The following SLC6A13 variants were observed in gnomAD, a reference collection of about 807,000 sequenced individuals.
The protein encoded by SLC6A13 is sodium- and chloride-dependent GABA transporter 2.
In SLC6A13, 69 loss-of-function variants were observed where a neutral mutation model predicts 72.9. That is an observed-to-expected ratio of 0.95 (90% CI 0.78 to 1.16). The LOEUF (loss-of-function observed/expected upper bound fraction) is 1.16, where lower values mean the gene tolerates loss of function less well. Among genes scored for constraint, SLC6A13 ranks in the 50% most tolerant of loss-of-function variants. SLC6A13 has a pLI of 0.00. For missense variants in SLC6A13, 735 were observed against 760.5 expected (o/e 0.97, Z 0.39); for synonymous variants, 303 against 303.0 (o/e 1.00, Z 0.00).
chr12:232,693 G>A (rs1044470142), intron 7 of SLC6A13, among the ~76,000 whole-genome samples: 1 of 152,204 alleles, frequency 6.6e-6, no homozygotes, highest in African/African-American at 2.4e-5. Flanking sequence ...TCTCCATGCT[G>A]TCTGAGAAAT....
intron 1 of SLC6A13, among the ~76,000 whole-genome samples, chr12:262,268 G>C (rs1352170818): frequency 2.0e-5 from 3 of 152,164 alleles, no homozygotes; most frequent in African/African-American, 7.2e-5. Context: ...GTCAGATGAG[G>C]CCAGGTTCAA....
At chr12:242,813 C>T (rs1172620216) in intron 3 of SLC6A13, 59 bp from the exon 4 acceptor site, 1 of 1,519,998 alleles carries the variant, frequency 6.6e-7, no homozygotes, top group South Asian at 1.2e-5. Flanking sequence ...GTGCACCTGT[C>T]ATTTCAGCTA....
chr12:238,210 A>T (rs1466007352), intron 4 of SLC6A13, 200 bp from the exon 5 acceptor site: 13 of 1,526,176 alleles, frequency 8.5e-6, no homozygotes, highest in Non-Finnish European at 9.6e-6. Flanking sequence ...ACACTTGGAC[A>T]TGTGGGTACA....
At chr12:251,322 T>A (rs1942539725) in intron 2 of SLC6A13, among the ~76,000 whole-genome samples, 1 of 152,092 alleles carries the variant, frequency 6.6e-6, no homozygotes. Flanking sequence ...CCCACATATA[T>A]ACAAATAACT....
chr12:238,163 G>A lies in SLC6A13; in HGVS notation c.479-153C>T, dbSNP rs148375127. On this transcript the variant is annotated intron_variant, in intron 4 of 14. Transcript: ENST00000343164. Reference sequence around the variant, plus strand: ...ATCTGTACAAAACATCCTCCCACACGTAATAACCTCAACAAATGCAGCTCA... The same window carrying A: ...ATCTGTACAAAACATCCTCCCACACATAATAACCTCAACAAATGCAGCTCA... 612 of 1,536,636 alleles carry A rather than the reference G, an allele frequency of 4.0e-4. 3 individuals carry two copies. In the African/African-American group the frequency reaches 7.6e-3, roughly 19 times the overall value.
chr12:255,262 G>A (rs1942700357), intron 2 of SLC6A13, among the ~76,000 whole-genome samples: 1 of 152,200 alleles, frequency 6.6e-6, no homozygotes, highest in African/African-American at 2.4e-5. Flanking sequence ...GGACCTGGGT[G>A]TTTGGGTAGA....
At chr12:256,653 AAAG>A (rs1031975957) in intron 2 of SLC6A13, 3 of 152,248 alleles carry the variant, frequency 2.0e-5, no homozygotes, top group Admixed American at 6.5e-5. Context: ...GGAAGAAACC[AAAG>A]AAGATGTCAC....
chr12:222,665 A>G lies in SLC6A13; in HGVS notation c.1415-33T>C, dbSNP rs766511495. ...GGAGAAAAGAAGAAGGAAGGAGGAG[A>G]AAGTCATTCTTTGGCACCCAGGACA... On this transcript the variant is annotated intron_variant, in intron 12 of 14. Transcript: ENST00000343164. 2.8e-6 allele frequency: 4 copies of G among 1,444,436 alleles called. No homozygotes were observed. The South Asian group carries it at 4.8e-5, about 17-fold the overall frequency. The allele number at this position is 1,444,436 out of a possible 1,614,324, so 89.5% of individuals were successfully genotyped here. A position where few individuals can be genotyped will look rare whatever the true frequency, so the allele number is the denominator to read the frequency against.
Position 259,882 on chromosome 12 carries a change from C to T in SLC6A13, c.171G>A (p.Arg57=). 6.2e-7 allele frequency: 1 copy of T among 1,614,188 alleles called. No homozygotes were observed. Among genetic ancestry groups the T allele is most frequent in the South Asian group, 1.1e-5 (1 of 91,088 alleles). Residue 57 remains arginine (R), a synonymous_variant, in exon 2 of 15, where the codon AGG becomes AGA. Transcript: ENST00000343164. ...GEIIGLGNVW[R]FPYLCYKNGG... ...CATTTTTGTAGCAGAGATAGGGAAA[C>T]CTCCAGACGTTGCCTAAGCCAATGA... is the stretch of plus-strand genomic sequence containing the variant.
intron 2 of SLC6A13, 158 bp downstream of exon 2, chr12:259,691 GTC>G (rs1433590064): frequency 6.6e-7 from 1 of 1,510,892 alleles, no homozygotes. Context: ...ACCTTTCTAG[GTC>G]TTAGTCTCTT....
At chr12:261,692 G>A (rs539679462) in intron 1 of SLC6A13, among the ~76,000 whole-genome samples, 61 of 152,318 alleles carry the variant, frequency 4.0e-4, no homozygotes, top group African/African-American at 1.4e-3. Context: ...TTGGGAGGCC[G>A]AGGCGGGTGG....
intron 4 of SLC6A13, among the ~76,000 whole-genome samples, chr12:239,997 A>T (rs1942107150): frequency 6.6e-6 from 1 of 152,130 alleles, no homozygotes; most frequent in African/African-American, 2.4e-5. Context: ...AGGCAATCCA[A>T]AGGAAGGTGG....
intron 7 of SLC6A13, among the ~76,000 whole-genome samples, chr12:231,021 G>A (rs1023300002): frequency 6.6e-6 from 1 of 152,186 alleles, no homozygotes; most frequent in Non-Finnish European, 1.5e-5. Flanking sequence ...CTTGCTTAAC[G>A]CAGGGATCTA....
At chr12:247,023 GAAA>G (rs1942379826) in intron 2 of SLC6A13, among the ~76,000 whole-genome samples, 1 of 14,280 alleles carries the variant, frequency 7.0e-5, no homozygotes, top group Non-Finnish European at 3.3e-4. Flanking sequence ...AAAAAAAAAA[GAAA>G]GAAAGAAAAG....
At chr12:223,841 C>T (rs758103815) in intron 11 of SLC6A13, 151 bp downstream of exon 11, 42 of 833,136 alleles carry the variant, frequency 5.0e-5, no homozygotes, top group South Asian at 4.9e-4. Context: ...CCTACTTTGT[C>T]GTTCCTGGGA....
intron 2 of SLC6A13, among the ~76,000 whole-genome samples, chr12:252,308 A>G (rs915581808): frequency 6.6e-6 from 1 of 152,214 alleles, no homozygotes; most frequent in Non-Finnish European, 1.5e-5. Flanking sequence ...CATTTAGCAT[A>G]ATTATTGATT....
At chr12:245,107 A>G (rs559101122) in intron 2 of SLC6A13, among the ~76,000 whole-genome samples, 1 of 152,350 alleles carries the variant, frequency 6.6e-6, no homozygotes, top group Non-Finnish European at 1.5e-5. Context: ...CAAGCTTCCA[A>G]CTGAGTACTA....
intron 12 of SLC6A13, 38 bp from the exon 13 acceptor site, chr12:222,670 C>A: frequency 7.4e-7 from 1 of 1,358,032 alleles, no homozygotes; most frequent in South Asian, 1.2e-5. Context: ...AGGAGAAAGT[C>A]ATTCTTTGGC....
In SLC6A13 at chr12:237,925, C is replaced by T; in HGVS notation, c.563+1G>A. ...AGTGGGTGGGGAAGGGTCTCACTTA[C>T]TCCCAGAACTCGATGACAGGAGAGG... is the stretch of plus-strand genomic sequence containing the variant. On this transcript the variant is annotated splice_donor_variant, in intron 5 of 14. Transcript: ENST00000343164. LOFTEE classifies it high-confidence loss of function. 6.2e-7 allele frequency: 1 copy of T among 1,611,908 alleles called. No individual in the cohort carries two copies. The highest frequency in any genetic ancestry group is 8.5e-7 in the Non-Finnish European group (1 of 1,177,952).
Sources: gnomAD v4.1 joint callset for allele counts (sites outside exome capture counted in the v4.1 genomes callset) on GRCh38, gnomAD v4.1.1 for gene constraint, MANE v1.5 for transcripts, NCBI Gene and HGNC (gene_info 2026-07-23, HGNC 2026-07-21) for gene names.